KCNQ5: variants seen among roughly 807,000 people sequenced by gnomAD.
KCNQ5 encodes potassium voltage-gated channel subfamily Q member 5, also known as potassium voltage-gated channel subfamily KQT member 5.
Under a neutral mutation model 98.2 loss-of-function variants are expected in KCNQ5, and 30 were observed. The observed-to-expected ratio is 0.31, with a 90% CI of 0.23 to 0.41. The LOEUF (loss-of-function observed/expected upper bound fraction) is 0.41, where lower values mean the gene tolerates loss of function less well. Ranked by LOEUF, KCNQ5 falls within the 10% of genes least tolerant of loss-of-function variation. KCNQ5 has a pLI of 1.00. For synonymous variants in KCNQ5, 458 were observed against 449.4 expected, an observed-to-expected ratio of 1.02 and a Z score of -0.24; for missense variants, 835 against 1,182.5, an observed-to-expected ratio of 0.71 and a Z score of 4.31.
At chr6:72,909,863 A>C (rs1439703553) in intron 1 of KCNQ5, among the ~76,000 whole-genome samples, 1 of 152,216 alleles carries the variant, frequency 6.6e-6, no homozygotes, top group African/African-American at 2.4e-5. Flanking sequence ...ATTAAGTGAG[A>C]TTAAAGATTT....
intron 11 of KCNQ5, among the ~76,000 whole-genome samples, chr6:73,188,194 T>G (rs1314832051): frequency 1.3e-5 from 2 of 152,210 alleles, no homozygotes. Context: ...ACCAGACAGA[T>G]CTGGGTGGAA....
At chr6:73,065,903 T>C (rs1042515115) in intron 3 of KCNQ5, among the ~76,000 whole-genome samples, 7 of 152,190 alleles carry the variant, frequency 4.6e-5, no homozygotes, top group African/African-American at 1.7e-4. Flanking sequence ...TCCCAGCACT[T>C]TGGGAGGCCA....
chr6:72,809,380 C>T (rs960058885), intron 1 of KCNQ5, among the ~76,000 whole-genome samples: 1 of 151,712 alleles, frequency 6.6e-6, no homozygotes, highest in African/African-American at 2.4e-5. Context: ...TACCCTAAAA[C>T]TTAAAGTATA....
intron 3 of KCNQ5, among the ~76,000 whole-genome samples, chr6:73,049,510 C>CCT (rs1169249710): frequency 6.6e-6 from 1 of 152,162 alleles, no homozygotes; most frequent in African/African-American, 2.4e-5. Flanking sequence ...AGCATGCTGG[C>CCT]CTCCCAATAG....
chr6:73,186,086 G>A (rs1054737570), intron 11 of KCNQ5, among the ~76,000 whole-genome samples: 27 of 152,198 alleles, frequency 1.8e-4, no homozygotes, highest in Admixed American at 3.9e-4. Flanking sequence ...AAAATTAACC[G>A]GTGTGGGGGT....
chr6:72,892,884 A>C (rs1481658077), intron 1 of KCNQ5, among the ~76,000 whole-genome samples: 1 of 152,120 alleles, frequency 6.6e-6, no homozygotes, highest in Non-Finnish European at 1.5e-5. Context: ...CCCATAACAA[A>C]TTATATTGTT....
chr6:73,002,432 T>C (rs1017462221), intron 1 of KCNQ5, among the ~76,000 whole-genome samples: 1 of 152,138 alleles, frequency 6.6e-6, no homozygotes, highest in African/African-American at 2.4e-5. Flanking sequence ...ATCTGTAAAA[T>C]GGGGATTATA....
intron 1 of KCNQ5, among the ~76,000 whole-genome samples, chr6:72,814,753 G>A (rs1044347919): frequency 2.0e-5 from 3 of 152,174 alleles, no homozygotes; most frequent in African/African-American, 7.2e-5. Context: ...CAAAGCTGAT[G>A]AGGACACTAC....
chr6:73,063,702 A>AGATAGATAGAT (rs1772908906), intron 3 of KCNQ5, among the ~76,000 whole-genome samples: 2 of 124,276 alleles, frequency 1.6e-5, no homozygotes, highest in Non-Finnish European at 1.7e-5. Context: ...ATAGATAGAT[A>AGATAGATAGAT]GATAGATAGA....
intron 5 of KCNQ5, among the ~76,000 whole-genome samples, chr6:73,102,023 A>C (rs1186861465): frequency 6.6e-6 from 1 of 152,182 alleles, no homozygotes; most frequent in East Asian, 1.9e-4. Flanking sequence ...TAGTAACCAA[A>C]ACAAAATGGT....
At chr6:72,723,470 G>A (rs1770083788) in intron 1 of KCNQ5, among the ~76,000 whole-genome samples, 1 of 152,054 alleles carries the variant, frequency 6.6e-6, no homozygotes, top group Non-Finnish European at 1.5e-5. Context: ...GAATAATACT[G>A]GATAAACATC....
intron 1 of KCNQ5, among the ~76,000 whole-genome samples, chr6:72,681,607 T>C (rs1254058466): frequency 6.6e-6 from 1 of 152,220 alleles, no homozygotes; most frequent in Non-Finnish European, 1.5e-5. Flanking sequence ...ATATGACTTA[T>C]GTGGCCCAAA....
At chr6:73,137,476 G>A (rs1257144965) in intron 10 of KCNQ5, among the ~76,000 whole-genome samples, 1 of 152,106 alleles carries the variant, frequency 6.6e-6, no homozygotes, top group Non-Finnish European at 1.5e-5. Flanking sequence ...TATAATAAAA[G>A]ATAGAAATAC....
At chr6:72,910,535 TAACTCTTATAG>T (rs1779890059) in intron 1 of KCNQ5, among the ~76,000 whole-genome samples, 1 of 150,492 alleles carries the variant, frequency 6.6e-6, no homozygotes, top group African/African-American at 2.4e-5. Flanking sequence ...TCAATTATAG[TAACTCTTATAG>T]AATGGAAAGG....
intron 1 of KCNQ5, among the ~76,000 whole-genome samples, chr6:72,937,536 C>A (rs985338954): frequency 1.3e-5 from 2 of 152,108 alleles, no homozygotes; most frequent in African/African-American, 4.8e-5. Context: ...AAGTAATTTT[C>A]TTTTCTTCTA....
chr6:73,083,828 A>C (rs1209801765), intron 5 of KCNQ5, among the ~76,000 whole-genome samples: 1 of 152,206 alleles, frequency 6.6e-6, no homozygotes, highest in Non-Finnish European at 1.5e-5. Flanking sequence ...TTTTACATTG[A>C]TTCAACTGCT....
At chr6:72,986,606 C>T in intron 1 of KCNQ5, 1 of 666,484 alleles carries the variant, frequency 1.5e-6, no homozygotes, top group Non-Finnish European at 2.7e-6. Flanking sequence ...GCACGTAGAA[C>T]CTGACACCAC....
intron 1 of KCNQ5, among the ~76,000 whole-genome samples, chr6:72,821,499 A>G (rs1231077590): frequency 1.3e-5 from 2 of 152,182 alleles, no homozygotes; most frequent in Non-Finnish European, 2.9e-5. Flanking sequence ...TTACTATGGA[A>G]GACATTTGGG....
At chr6:72,669,382 A>G (rs944642532) in intron 1 of KCNQ5, among the ~76,000 whole-genome samples, 18 of 152,346 alleles carry the variant, frequency 1.2e-4, no homozygotes, top group African/African-American at 3.8e-4. Context: ...TTAAGGTTGG[A>G]GAATAATTGT....
Sources: gnomAD v4.1 joint callset for allele counts (sites outside exome capture counted in the v4.1 genomes callset) on GRCh38, gnomAD v4.1.1 for gene constraint, MANE v1.5 for transcripts, NCBI Gene and HGNC (gene_info 2026-07-23, HGNC 2026-07-21) for gene names.